FAM135B: variants seen among roughly 807,000 people sequenced by gnomAD.
FAM135B encodes the protein family with sequence similarity 135 member B.
Under a neutral mutation model 127.7 loss-of-function variants are expected in FAM135B, and 43 were observed. That is an observed-to-expected ratio of 0.34 (90% CI 0.26 to 0.43). The LOEUF is 0.43. FAM135B is among the 20% of genes least tolerant of loss of function. The pLI is 1.00. For missense variants in FAM135B, 1,558 were observed against 1,725.6 expected, an observed-to-expected ratio of 0.90 and a Z score of 1.72; for synonymous variants, 670 against 665.1, an observed-to-expected ratio of 1.01 and a Z score of -0.11.
intron 1 of FAM135B, among the ~76,000 whole-genome samples, chr8:138,403,783 T>C (rs370873219): frequency 6.6e-6 from 1 of 152,300 alleles, no homozygotes; most frequent in Admixed American, 6.5e-5. Context: ...CCTCCAGTGT[T>C]TCATGCAGCA....
intron 1 of FAM135B, among the ~76,000 whole-genome samples, chr8:138,453,901 A>G (rs1836632547): frequency 6.6e-6 from 1 of 152,184 alleles, no homozygotes; most frequent in East Asian, 1.9e-4. Flanking sequence ...CTCATAAAGT[A>G]GAAGGATCTT....
intron 1 of FAM135B, among the ~76,000 whole-genome samples, chr8:138,421,363 C>T (rs527659313): frequency 6.6e-6 from 1 of 152,164 alleles, no homozygotes; most frequent in East Asian, 1.9e-4. Context: ...TATCTGTTTT[C>T]ACAGATGATA....
At chr8:138,432,969 A>G (rs1384877387) in intron 1 of FAM135B, among the ~76,000 whole-genome samples, 1 of 152,136 alleles carries the variant, frequency 6.6e-6, no homozygotes, top group African/African-American at 2.4e-5. Flanking sequence ...GTCCATCCAA[A>G]ATCTGTTCCC....
chr8:138,154,883 T>C (rs201167048), intron 12 of FAM135B, among the ~76,000 whole-genome samples: 4 of 152,166 alleles, frequency 2.6e-5, no homozygotes, highest in African/African-American at 9.6e-5. Context: ...AGGATATTAT[T>C]CAGGAGAACT....
chr8:138,344,162 C>T (rs568935788), intron 2 of FAM135B, among the ~76,000 whole-genome samples: 9 of 152,246 alleles, frequency 5.9e-5, no homozygotes, highest in South Asian at 4.1e-4. Context: ...AGGTATCTTA[C>T]GAATGTGAGC....
chr8:138,257,401 C>T (rs1330323945), intron 4 of FAM135B, among the ~76,000 whole-genome samples: 1 of 148,796 alleles, frequency 6.7e-6, no homozygotes, highest in Non-Finnish European at 1.5e-5. Context: ...TTGTCCTTTG[C>T]TTTAAGAAAA....
intron 4 of FAM135B, 50 bp from the exon 5 acceptor site, chr8:138,256,809 A>T (rs1512403): frequency 7.0e-7 from 1 of 1,423,552 alleles, no homozygotes; most frequent in Non-Finnish European, 9.9e-7. Flanking sequence ...ATCTTGTCCA[A>T]ATGAAATACT....
intron 1 of FAM135B, among the ~76,000 whole-genome samples, chr8:138,462,219 GT>G (rs1837166901): frequency 1.3e-5 from 2 of 152,160 alleles, no homozygotes; most frequent in African/African-American, 4.8e-5. Context: ...TGGAATACTT[GT>G]TTTCTTTCTC....
intron 1 of FAM135B, among the ~76,000 whole-genome samples, chr8:138,488,532 G>A (rs1186648892): frequency 6.6e-6 from 1 of 152,186 alleles, no homozygotes; most frequent in Non-Finnish European, 1.5e-5. Flanking sequence ...AGGAAAGGGA[G>A]TGAGCCACAG....
intron 3 of FAM135B, among the ~76,000 whole-genome samples, chr8:138,273,237 A>G (rs4909769): frequency 0.97 from 147,574 of 152,218 alleles, 71,680 homozygotes; most frequent in East Asian, 1. Context: ...ATGGAGTCTC[A>G]CTCTGTAGCC....
chr8:138,154,716 A>T (rs993869742), intron 12 of FAM135B, among the ~76,000 whole-genome samples: 1 of 152,202 alleles, frequency 6.6e-6, no homozygotes, highest in South Asian at 2.1e-4. Context: ...CAAATGAATG[A>T]AATGAAGTGA....
chr8:138,143,642 CAT>C (rs1817407701), intron 15 of FAM135B, among the ~76,000 whole-genome samples: 1 of 152,208 alleles, frequency 6.6e-6, no homozygotes, highest in African/African-American at 2.4e-5. Flanking sequence ...GAATGCCACA[CAT>C]GTCCTTGAAT....
intron 2 of FAM135B, among the ~76,000 whole-genome samples, chr8:138,318,824 A>C (rs1827257450): frequency 1.3e-5 from 2 of 152,220 alleles, no homozygotes; most frequent in Admixed American, 1.3e-4. Flanking sequence ...TTTACATTTC[A>C]ATTAGGTTGA....
chr8:138,433,113 C>T (rs778580025), intron 1 of FAM135B, among the ~76,000 whole-genome samples: 26 of 152,236 alleles, frequency 1.7e-4, no homozygotes, highest in Middle Eastern at 6.8e-3. Flanking sequence ...AAAATTAGAT[C>T]TGACTTTTTC....
intron 1 of FAM135B, among the ~76,000 whole-genome samples, chr8:138,487,112 T>C (rs1815012649): frequency 6.6e-6 from 1 of 152,204 alleles, no homozygotes; most frequent in African/African-American, 2.4e-5. Flanking sequence ...GAACTTGGAT[T>C]CAAACCAAAG....
chr8:138,194,956 C>T (rs62530867), intron 9 of FAM135B, among the ~76,000 whole-genome samples: 29,785 of 152,142 alleles, frequency 0.2, 3,584 homozygotes, highest in East Asian at 0.38. Context: ...CTGAGTTAAC[C>T]AGTCAACAAA....
intron 11 of FAM135B, among the ~76,000 whole-genome samples, chr8:138,168,985 T>C (rs1586668679): frequency 6.6e-6 from 1 of 152,134 alleles, no homozygotes. Flanking sequence ...CAGCTGCCTG[T>C]AGAAGAGCTT....
At chr8:138,200,959 C>T (rs1817067113) in intron 7 of FAM135B, among the ~76,000 whole-genome samples, 1 of 152,226 alleles carries the variant, frequency 6.6e-6, no homozygotes, top group African/African-American at 2.4e-5. Flanking sequence ...GGATTCAGGG[C>T]TGATGCGAGC....
chr8:138,468,546 A>G (rs1837499442), intron 1 of FAM135B, among the ~76,000 whole-genome samples: 1 of 152,168 alleles, frequency 6.6e-6, no homozygotes, highest in African/African-American at 2.4e-5. Flanking sequence ...TGCAATTTAC[A>G]TGCAATATTT....
Sources: allele counts gnomAD v4.1 joint callset (sites outside exome capture counted in the v4.1 genomes callset), GRCh38; gene constraint gnomAD v4.1.1; transcripts MANE v1.5; gene names NCBI Gene and HGNC (gene_info 2026-07-23, HGNC 2026-07-21).